DOCK4: variants seen among roughly 807,000 people sequenced by gnomAD.
The protein encoded by DOCK4 is dedicator of cytokinesis 4, also known as dedicator of cytokinesis protein 4.
In DOCK4, 97 loss-of-function variants were observed where a neutral mutation model predicts 268.1. The ratio of observed to expected loss-of-function variants is 0.36; its 90% CI spans 0.31 to 0.43. The LOEUF is 0.43. DOCK4 is among the 20% of genes least tolerant of loss of function. The pLI is 1.00. For missense variants in DOCK4, 2,145 were observed against 2,455.7 expected, an observed-to-expected ratio of 0.87 and a Z score of 2.67; for synonymous variants, 954 against 887.2, an observed-to-expected ratio of 1.08 and a Z score of -1.34.
intron 1 of DOCK4, among the ~76,000 whole-genome samples, chr7:112,040,833 T>C (rs1422771509): frequency 6.6e-6 from 1 of 152,346 alleles, no homozygotes; most frequent in Middle Eastern, 3.4e-3. Flanking sequence ...TGTATGTAAT[T>C]ACATTGTGCA....
At chr7:112,055,831 C>G (rs1805765828) in intron 1 of DOCK4, among the ~76,000 whole-genome samples, 1 of 151,732 alleles carries the variant, frequency 6.6e-6, no homozygotes, top group Admixed American at 6.6e-5. Context: ...TTGCTTGAAC[C>G]TGGGAGGCAG....
intron 1 of DOCK4, among the ~76,000 whole-genome samples, chr7:112,165,469 T>G (rs1467873752): frequency 2.6e-5 from 4 of 152,000 alleles, no homozygotes; most frequent in Non-Finnish European, 5.9e-5. Context: ...TCCAGCTCCA[T>G]TCATGTTACT....
chr7:112,040,710 A>C (rs1458660828), intron 1 of DOCK4, among the ~76,000 whole-genome samples: 1 of 152,216 alleles, frequency 6.6e-6, no homozygotes, highest in East Asian at 1.9e-4. Context: ...GACCCAATAC[A>C]CATTTCAATA....
At position 111,783,940 on chromosome 7, in the gene DOCK4, T is replaced by A; in HGVS notation, c.3441A>T (p.Lys1147Asn). ...LFGPYPSLLK[K>N]IERETWRESG... ...TTTCCCGCCATGTTTCCCGCTCAAT[T>A]TTCTTTAGTAGACTGGAAAAGAAAG... Residue 1147 changes from lysine to asparagine, a missense_variant, in exon 34 of 53, where the codon AAA (lysine) becomes AAT (asparagine). This residue lies in a region of DOCK4 where 1,598 missense variants were observed against 1,986.7 expected (regional missense o/e 0.80). Transcript: ENST00000428084. 6.2e-7 allele frequency: 1 copy of A among 1,604,274 alleles called. No homozygotes were observed. Among genetic ancestry groups the A allele is most frequent in the East Asian group, 2.2e-5 (1 of 44,572 alleles).
intron 32 of DOCK4, among the ~76,000 whole-genome samples, chr7:111,786,020 T>C (rs1460144360): frequency 1.3e-5 from 2 of 152,182 alleles, no homozygotes; most frequent in Admixed American, 1.3e-4. Flanking sequence ...GTCATCACTC[T>C]AATATATAAC....
chr7:111,804,008 A>G (rs973274506), intron 30 of DOCK4, among the ~76,000 whole-genome samples: 1 of 152,228 alleles, frequency 6.6e-6, no homozygotes, highest in Non-Finnish European at 1.5e-5. Flanking sequence ...AGAATGTAAA[A>G]TGTTACAGCA....
At chr7:111,819,346 T>G (rs1801804248) in intron 27 of DOCK4, 1 of 152,230 alleles carries the variant, frequency 6.6e-6, no homozygotes, top group Non-Finnish European at 1.5e-5. Context: ...TGGTACTTAA[T>G]TTTCATCTTC....
intron 12 of DOCK4, among the ~76,000 whole-genome samples, chr7:111,925,709 T>TA (rs1793552420): frequency 6.6e-6 from 1 of 152,188 alleles, no homozygotes; most frequent in African/African-American, 2.4e-5. Flanking sequence ...GCTAGATACT[T>TA]ACGCTATTAA....
chr7:111,784,038 A>T, intron 33 of DOCK4, 59 bp downstream of exon 33: 1 of 1,574,252 alleles, frequency 6.4e-7, no homozygotes, highest in South Asian at 1.2e-5. Context: ...AGTACCTTAA[A>T]TGCCTTAGCA....
chr7:112,072,997 G>A (rs1807741165), intron 1 of DOCK4, among the ~76,000 whole-genome samples: 1 of 152,166 alleles, frequency 6.6e-6, no homozygotes, highest in South Asian at 2.1e-4. Flanking sequence ...AGAATCAGGG[G>A]AGAAGGGATC....
At chr7:112,072,593 GC>G (rs1323987246) in intron 1 of DOCK4, among the ~76,000 whole-genome samples, 2 of 152,166 alleles carry the variant, frequency 1.3e-5, no homozygotes, top group Non-Finnish European at 2.9e-5. Context: ...ACATGAGCAG[GC>G]CAGAAGAGCC....
chr7:111,936,507 TGGATGGATGGATGGATGGATGGAC>T, intron 11 of DOCK4, among the ~76,000 whole-genome samples: 1 of 152,098 alleles, frequency 6.6e-6, no homozygotes, highest in South Asian at 2.1e-4. Flanking sequence ...GATGGATGGA[TGGATGGATGGATGGATGGATGGAC>T]GGATGGATGG....
chr7:112,060,217 C>G (rs1806270777), intron 1 of DOCK4, among the ~76,000 whole-genome samples: 1 of 152,114 alleles, frequency 6.6e-6, no homozygotes, highest in Non-Finnish European at 1.5e-5. Flanking sequence ...AGGAAAAGAA[C>G]AGCTTGAGTT....
At chr7:112,040,058 T>C (rs950889393) in intron 1 of DOCK4, among the ~76,000 whole-genome samples, 75 of 152,162 alleles carry the variant, frequency 4.9e-4, no homozygotes, top group African/African-American at 1.4e-3. Context: ...CCTGGGAAAA[T>C]AGACTCTCTC....
intron 1 of DOCK4, among the ~76,000 whole-genome samples, chr7:112,058,280 T>C (rs540878797): frequency 1.3e-5 from 2 of 152,144 alleles, no homozygotes; most frequent in Non-Finnish European, 2.9e-5. Context: ...TTTTAATAAA[T>C]CATTAAAGCC....
chr7:112,073,935 C>T (rs377307924), intron 1 of DOCK4, among the ~76,000 whole-genome samples: 13 of 152,018 alleles, frequency 8.6e-5, no homozygotes, highest in East Asian at 1.9e-4. Context: ...CTAATTACCC[C>T]GATTTATCAT....
chr7:111,920,170 A>G (rs549682248), intron 12 of DOCK4, among the ~76,000 whole-genome samples: 27 of 152,280 alleles, frequency 1.8e-4, no homozygotes, highest in Admixed American at 1.4e-3. Context: ...GATTTTGGTC[A>G]CAGGAGACGA....
At chr7:112,126,443 C>G (rs1813223748) in intron 1 of DOCK4, among the ~76,000 whole-genome samples, 1 of 152,148 alleles carries the variant, frequency 6.6e-6, no homozygotes, top group African/African-American at 2.4e-5. Context: ...AGATCAGCTC[C>G]CCGCTTAGTG....
intron 1 of DOCK4, among the ~76,000 whole-genome samples, chr7:112,020,937 A>T (rs1056054466): frequency 1.3e-5 from 2 of 152,108 alleles, no homozygotes; most frequent in Non-Finnish European, 1.5e-5. Flanking sequence ...TACTTATCCA[A>T]CTATTTGTAC....
Sources: allele counts gnomAD v4.1 joint callset (sites outside exome capture counted in the v4.1 genomes callset), GRCh38; gene constraint gnomAD v4.1.1; regional missense constraint gnomAD v4.1.1; transcripts MANE v1.5; gene names NCBI Gene and HGNC (gene_info 2026-07-23, HGNC 2026-07-21).